Variants in MLX observed in about 807,000 individuals in gnomAD.
MLX encodes MAX dimerization protein MLX, also known as max-like protein X.
A neutral mutation model predicts 33.0 loss-of-function variants in MLX; 15 were observed. The observed-to-expected ratio is 0.45, with a 90% confidence interval of 0.30 to 0.70. MLX has a LOEUF of 0.70. Ranked by LOEUF, MLX falls within the 30% of genes least tolerant of loss-of-function variation. MLX has a pLI of 0.07. For missense variants in MLX, 285 were observed against 306.3 expected (o/e 0.93, Z 0.52); for synonymous variants, 115 against 115.6 (o/e 0.99, Z 0.03).
chr17:42,573,101 A>C lies in MLX; in HGVS notation c.*1498A>C. ...GGAAGCAAAGAAGGAAGAGAGCTCC[A>C]CTTACAAAGAACTGCTTCTTGCTCT... On this transcript the variant is annotated 3_prime_UTR_variant, in exon 8 of 8. Transcript: ENST00000435881. 6.2e-7 allele frequency: 1 copy of C among 1,614,250 alleles called. No individual in the cohort carries two copies. Among genetic ancestry groups the C allele is most frequent in the Non-Finnish European group, 8.5e-7 (1 of 1,180,028 alleles).
In MLX at chr17:42,571,841, C is replaced by T. The variant is rs1048940482; in HGVS notation, c.*238C>T. On this transcript the variant is annotated 3_prime_UTR_variant, in exon 8 of 8. Transcript: ENST00000435881. ...ATAAAACTCAAACCTACCCAGCCTT[C>T]CCCCCACTCCATGGAAGTCCTTGGG... is the stretch of plus-strand genomic sequence containing the variant. 1.1e-5 allele frequency: 6 copies of T among 533,498 alleles called. 1 individual carries two copies. Among genetic ancestry groups the T allele is most frequent in the South Asian group, 4.1e-5 (2 of 48,458 alleles). The allele number at this position is 533,498 out of a possible 1,614,324, so 33.0% of individuals were successfully genotyped here. A position where few individuals can be genotyped will look rare whatever the true frequency, so the allele number is the denominator to read the frequency against.
In MLX at chr17:42,571,551, T is replaced by C. The variant is rs140676383; in HGVS notation, c.683T>C (p.Leu228Pro). 4.3e-6 allele frequency: 7 copies of C among 1,614,176 alleles called. No individual in the cohort carries two copies. Among genetic ancestry groups the C allele is most frequent in the Non-Finnish European group, 5.9e-6 (7 of 1,180,016 alleles). Residue 228 changes from leucine to proline, a missense_variant, in exon 8 of 8, where the codon CTG (leucine) becomes CCG (proline). Physicochemically the swap from Leu to Pro is moderately conservative, Grantham distance 98 (BLOSUM62 -3). Coordinates refer to ENST00000435881, the MANE Select transcript of MLX (RefSeq NM_198204.2). ...TTCCTCTGCTGCCCTCGCCAGACCC[T>C]GCGGGAGATTGTGATTGGCGTCCTG... is the stretch of plus-strand genomic sequence containing the variant. ...WIEEHCKPQTLREIVIGVLHQ... is the reference protein window; with the variant it reads ...WIEEHCKPQTPREIVIGVLHQ...
Position 42,572,754 on chromosome 17 carries a change from A to G in MLX, c.*1151A>G, listed in dbSNP as rs749233594. 4 of 680,036 alleles carry G rather than the reference A, an allele frequency of 5.9e-6. No homozygotes were observed. The highest frequency in any genetic ancestry group is 3.5e-5 in the African/African-American group (2 of 56,728). 42.1% of individuals were successfully genotyped at this position (680,036 alleles called of 1,614,324 possible). A position where few individuals can be genotyped will look rare whatever the true frequency, so the allele number is the denominator to read the frequency against. On this transcript the variant is annotated 3_prime_UTR_variant, in exon 8 of 8. Coordinates refer to ENST00000435881, the MANE Select transcript of MLX (RefSeq NM_198204.2). The stretch of plus-strand genomic sequence containing the variant: ...TAAATGTTAACCTCAAGCTACTGCA[A>G]TTTAGACAATGAAATGGGCTGGGTC...
intron 3 of MLX, 116 bp from the exon 4 acceptor site, chr17:42,568,721 G>A (rs957790401): frequency 1.8e-6 from 2 of 1,099,384 alleles, no homozygotes; most frequent in African/African-American, 3.1e-5. Context: ...ACATTAGGTG[G>A]TTCTGTCCAT....
At position 42,571,814 on chromosome 17, in the gene MLX, C is replaced by A. The variant is rs537959271; in HGVS notation, c.*211C>A. The A allele has an allele frequency of 7.7e-5, 44 of 574,458 alleles. No homozygotes were observed. The highest frequency in any genetic ancestry group is 5.8e-4 in the African/African-American group (31 of 53,066). The allele number at this position is 574,458 out of a possible 1,614,324, so 35.6% of individuals were successfully genotyped here. A position where few individuals can be genotyped will look rare whatever the true frequency, so the allele number is the denominator to read the frequency against. On this transcript the variant is annotated 3_prime_UTR_variant, in exon 8 of 8. Transcript: ENST00000435881. ...GCTTCTGATTAATTTATTATATTGA[C>A]GATAAAACTCAAACCTACCCAGCCT...
intron 1 of MLX, 61 bp from the exon 2 acceptor site, chr17:42,567,558 A>AAG: frequency 1.3e-5 from 21 of 1,610,074 alleles, no homozygotes; most frequent in Non-Finnish European, 1.6e-5. Flanking sequence ...CCTGCAGTGG[A>AAG]AGGGGCGCCT....
chr17:42,572,723 C>T lies in MLX; in HGVS notation c.*1120C>T. The T allele has an allele frequency of 1.6e-6, 1 of 621,616 alleles. No individual in the cohort carries two copies. Among genetic ancestry groups the T allele is most frequent in the Non-Finnish European group, 3.0e-6 (1 of 336,046 alleles). The allele number at this position is 621,616 out of a possible 1,614,324, so 38.5% of individuals were successfully genotyped here. A position where few individuals can be genotyped will look rare whatever the true frequency, so the allele number is the denominator to read the frequency against. On this transcript the variant is annotated 3_prime_UTR_variant, in exon 8 of 8. Coordinates refer to ENST00000435881, the MANE Select transcript of MLX (RefSeq NM_198204.2). ...CAAATGCTTTCCTTTAGCATTGTTC[C>T]AAGTCTAAATGTTAACCTCAAGCTA...
Position 42,569,291 on chromosome 17 carries a change from G to A in MLX, c.364G>A (p.Val122Ile), listed in dbSNP as rs1156557930. ...CTCCCAAAAGCTCAGCAAAGCCATC[G>A]TTCTACAAAAGAGTATGGCTAGGGA... ...IGSQKLSKAI[V>I]LQKTIDYIQF... Residue 122 changes from valine (V) to isoleucine (I), a missense_variant, in exon 5 of 8, where the codon GTT becomes ATT. Transcript: ENST00000435881. 3.1e-6 allele frequency: 5 copies of A among 1,613,864 alleles called. No homozygotes were observed. The highest frequency in any genetic ancestry group is 1.3e-5 in the African/African-American group (1 of 74,910).
rs1339856535 is a variant in MLX, at chr17:42,569,102, T to G, written c.277-102T>G. The G allele has an allele frequency of 1.5e-5, 20 of 1,319,494 alleles. No homozygotes were observed. In the East Asian group the frequency reaches 4.4e-4, roughly 29 times the overall value. The allele number at this position is 1,319,494 out of a possible 1,614,324, so 81.7% of individuals were successfully genotyped here. A position where few individuals can be genotyped will look rare whatever the true frequency, so the allele number is the denominator to read the frequency against. ...CCTCCCTTGCAGCCTTCCCACCCCA[T>G]TGAGTTTGTGAGCATAGAACTTGGT... On this transcript the variant is annotated intron_variant, in intron 4 of 7. Transcript: ENST00000435881.
Position 42,568,933 on chromosome 17 carries a change from A to G in MLX, c.266A>G (p.Asp89Gly). The change falls in exon 4 of 8, where the codon GAC (aspartate) becomes GGC (glycine). Residue 89 changes from aspartate (D) to glycine (G), a missense_variant. Coordinates refer to ENST00000435881, the MANE Select transcript of MLX (RefSeq NM_198204.2). ...AHTQAEQKRRDAIKRGYDDLQ... is the reference protein window; with the variant it reads ...AHTQAEQKRRGAIKRGYDDLQ... ...ACTCAGGCTGAGCAGAAGAGGAGGG[A>G]CGCCATCAAGGTGAACAGGGAGGCC... 3 of 1,608,426 alleles carry G rather than the reference A, an allele frequency of 1.9e-6. No individual in the cohort carries two copies. The highest frequency in any genetic ancestry group is 2.5e-6 in the Non-Finnish European group (3 of 1,177,174).
In MLX at chr17:42,568,492, C is replaced by T. The variant is rs1260802524; in HGVS notation, c.102C>T (p.Arg34=). 7 of 1,613,950 alleles carry T rather than the reference C, an allele frequency of 4.3e-6. No individual in the cohort carries two copies. In the South Asian group the frequency reaches 7.7e-5, roughly 18 times the overall value. The part of the protein sequence containing the change: ...LDPGLFVEST[R]KGSVVSRANS... ...CAGGGCTTTTTGTAGAAAGCACCCG[C>T]AAGGGGAGTGTAGTGTCCAGAGCTA... Residue 34 remains arginine (R), a synonymous_variant, in exon 3 of 8, where the codon CGC becomes CGT. Transcript: ENST00000435881.
At chr17:42,571,491 A>C in intron 7 of MLX, 56 bp from the exon 8 acceptor site, 1 of 1,581,794 alleles carries the variant, frequency 6.3e-7, no homozygotes, top group South Asian at 1.1e-5. Flanking sequence ...GCATCTTGGA[A>C]ACTACTCTGC....
chr17:42,570,108 C>G lies in MLX; in HGVS notation c.603C>G (p.Ala201=), dbSNP rs577998224. 6.2e-7 allele frequency: 1 copy of G among 1,614,144 alleles called. No individual in the cohort carries two copies. Among genetic ancestry groups the G allele is most frequent in the South Asian group, 1.1e-5 (1 of 91,084 alleles). ...IMDSLFQSFN[A]SISVASFQEL... ...ATTCCCTGTTCCAGTCCTTCAATGC[C>G]TCCATCTCAGTGGCCAGCTTCCAGG... Residue 201 remains alanine (A), a synonymous_variant, in exon 7 of 8, where the codon GCC becomes GCG. Transcript: ENST00000435881.
chr17:42,572,313 A>T lies in MLX; in HGVS notation c.*710A>T. 2.2e-6 allele frequency: 1 copy of T among 453,266 alleles called. No homozygotes were observed. Among genetic ancestry groups the T allele is most frequent in the Non-Finnish European group, 4.4e-6 (1 of 226,166 alleles). The allele number at this position is 453,266 out of a possible 1,614,324, so 28.1% of individuals were successfully genotyped here. ...AGAGGCAGGTATAACACAGCACTACATATTGGAAATTTTTTATTTTTCTAA... is the reference window on the plus strand; with the variant it reads ...AGAGGCAGGTATAACACAGCACTACTTATTGGAAATTTTTTATTTTTCTAA... On this transcript the variant is annotated 3_prime_UTR_variant, in exon 8 of 8. Transcript: ENST00000435881.
intron 1 of MLX, 85 bp from the exon 2 acceptor site, chr17:42,567,534 G>A: frequency 1.3e-6 from 2 of 1,598,496 alleles, no homozygotes; most frequent in Middle Eastern, 2.0e-4. Context: ...GGAATGGGGG[G>A]CGCGCTGTGC....
In MLX at chr17:42,571,629, G is replaced by C. The variant is rs1567910074; in HGVS notation, c.*26G>C. On this transcript the variant is annotated 3_prime_UTR_variant, in exon 8 of 8. Transcript: ENST00000435881. ...CCGGTTCTTGGAAACCTGGAGAACA[G>C]CCAACAAGAGGCCCTTGAATCTCTA... The C allele has an allele frequency of 8.7e-6, 14 of 1,602,828 alleles. No individual in the cohort carries two copies. The highest frequency in any genetic ancestry group is 1.2e-5 in the Non-Finnish European group (14 of 1,170,700).
rs540901251 is a variant in MLX, at chr17:42,572,256, C to G, written c.*653C>G. ...TGCTCTGGGTGGTAAGGGAAGCCCTCCCGGTTCCCACAGGCTATGATGCTG... is the reference window on the plus strand; with the variant it reads ...TGCTCTGGGTGGTAAGGGAAGCCCTGCCGGTTCCCACAGGCTATGATGCTG... On this transcript the variant is annotated 3_prime_UTR_variant, in exon 8 of 8. Coordinates refer to ENST00000435881, the MANE Select transcript of MLX (RefSeq NM_198204.2). The G allele has an allele frequency of 2.0e-5, 8 of 405,192 alleles. No individual in the cohort carries two copies. The highest frequency in any genetic ancestry group is 1.2e-4 in the African/African-American group (6 of 48,592). 25.1% of individuals were successfully genotyped at this position (405,192 alleles called of 1,614,324 possible).
In MLX at chr17:42,570,074, G is replaced by C; in HGVS notation, c.569G>C (p.Gly190Ala). The C allele has an allele frequency of 5.0e-6, 8 of 1,614,162 alleles. No individual in the cohort carries two copies. The highest frequency in any genetic ancestry group is 6.8e-6 in the Non-Finnish European group (8 of 1,180,032). Residue 190 changes from glycine to alanine, a missense_variant, in exon 7 of 8, where the codon GGC becomes GCC. Coordinates refer to ENST00000435881, the MANE Select transcript of MLX (RefSeq NM_198204.2). The stretch of plus-strand genomic sequence containing the variant: ...CAGGTCAAGTTCAACGTGTTTCAAG[G>C]CATCATGGATTCCCTGTTCCAGTCC... The part of the protein sequence containing the change: ...SDQVKFNVFQ[G>A]IMDSLFQSFN...
rs761094176 is a variant in MLX, at chr17:42,567,240, G to T, written c.42+74G>T. The T allele has an allele frequency of 4.6e-6, 6 of 1,315,806 alleles. No individual in the cohort carries two copies. The African/African-American group carries it at 9.1e-5, about 20-fold the overall frequency. The allele number at this position is 1,315,806 out of a possible 1,614,324, so 81.5% of individuals were successfully genotyped here. Reference sequence around the variant, plus strand: ...CGTGCACGTAGGGGGGCCGGAAGACGAGGGGCTTCCCTCCTGTCCCCAAAG... The same window carrying T: ...CGTGCACGTAGGGGGGCCGGAAGACTAGGGGCTTCCCTCCTGTCCCCAAAG... On this transcript the variant is annotated intron_variant, in intron 1 of 7. Transcript: ENST00000435881.
Sources: allele counts gnomAD v4.1 joint callset, GRCh38; gene constraint gnomAD v4.1.1; transcripts MANE v1.5; gene names NCBI Gene and HGNC (gene_info 2026-07-23, HGNC 2026-07-21).